LOXL2: variants seen among roughly 807,000 people sequenced by gnomAD.
The protein encoded by LOXL2 is lysyl oxidase homolog 2.
LOXL2 carries 70 observed loss-of-function variants against 93.0 expected under a neutral mutation model. The observed-to-expected ratio is 0.75, with a 90% confidence interval of 0.62 to 0.92. The LOEUF is 0.92. Among genes scored for constraint, LOXL2 ranks in the 40% least tolerant of loss-of-function variants. The pLI is 0.00. For missense variants in LOXL2, 973 were observed against 1,054.9 expected, an observed-to-expected ratio of 0.92 and a Z score of 1.08; for synonymous variants, 438 against 413.2, an observed-to-expected ratio of 1.06 and a Z score of -0.73.
chr8:23,358,872 C>T (rs980723979), intron 3 of LOXL2, among the ~76,000 whole-genome samples: 43 of 142,498 alleles, frequency 3.0e-4, no homozygotes, highest in African/African-American at 9.7e-4. Context: ...CAGACAGTCT[C>T]GCTCTGTCAC....
chr8:23,383,050 C>G (rs1334655013), intron 1 of LOXL2, among the ~76,000 whole-genome samples: 1 of 152,162 alleles, frequency 6.6e-6, no homozygotes, highest in African/African-American at 2.4e-5. Context: ...TAACATGCCT[C>G]TCCGTAGCGG....
At chr8:23,309,461 G>A (rs1177375392) in intron 10 of LOXL2, among the ~76,000 whole-genome samples, 1 of 152,206 alleles carries the variant, frequency 6.6e-6, no homozygotes, top group Non-Finnish European at 1.5e-5. Flanking sequence ...AAGAAGGGTG[G>A]CAGGCCAGGG....
At chr8:23,350,747 T>C (rs1804078808) in intron 3 of LOXL2, among the ~76,000 whole-genome samples, 1 of 151,298 alleles carries the variant, frequency 6.6e-6, no homozygotes, top group African/African-American at 2.4e-5. Context: ...CGGTAGTCTG[T>C]TGGGGTCTTC....
intron 3 of LOXL2, among the ~76,000 whole-genome samples, chr8:23,352,094 G>C (rs56112369): frequency 6.6e-6 from 1 of 152,124 alleles, no homozygotes; most frequent in Non-Finnish European, 1.5e-5. Flanking sequence ...GAATACAGGC[G>C]TGAGCCACCG....
rs780406585 is a variant in LOXL2, at chr8:23,320,022, C to T, written c.1333G>A (p.Glu445Lys). 46 of 1,613,938 alleles carry T rather than the reference C, an allele frequency of 2.9e-5. No homozygotes were observed. Among genetic ancestry groups the T allele is most frequent in the Non-Finnish European group, 3.4e-5 (40 of 1,179,950 alleles). ...LRLNGGRNPY[E>K]GRVEVLVERN... is the part of the protein sequence containing the mutation. ...TCCACCAGCACCTCCACTCGGCCCT[C>T]GTAGGGATTGCGGCCGCCGTTCAGG... The change falls in exon 8 of 14, where the codon GAG (glutamate) becomes AAG (lysine). Residue 445 changes from glutamate to lysine, a missense_variant. Glu to Lys is a moderately conservative substitution (Grantham distance 56, BLOSUM62 1). Coordinates refer to ENST00000389131, the MANE Select transcript of LOXL2 (RefSeq NM_002318.3).
At chr8:23,379,943 G>T (rs1376850742) in intron 1 of LOXL2, among the ~76,000 whole-genome samples, 1 of 151,532 alleles carries the variant, frequency 6.6e-6, no homozygotes, top group Admixed American at 6.6e-5. Flanking sequence ...TGCACCCACT[G>T]TCCTGACCCC....
At chr8:23,336,656 T>C (rs924426829) in intron 4 of LOXL2, 5 of 152,394 alleles carry the variant, frequency 3.3e-5, no homozygotes, top group African/African-American at 1.2e-4. Context: ...TTCTGCCAGC[T>C]GCTGAGTACA....
At chr8:23,346,049 C>G (rs1585361652) in intron 3 of LOXL2, among the ~76,000 whole-genome samples, 2 of 148,730 alleles carry the variant, frequency 1.3e-5, no homozygotes, top group South Asian at 4.2e-4. Flanking sequence ...GCCTGGGCGA[C>G]AGAGCGAGAC....
chr8:23,388,417 A>AAG (rs1585382945), intron 1 of LOXL2, among the ~76,000 whole-genome samples: 2 of 151,856 alleles, frequency 1.3e-5, no homozygotes, highest in East Asian at 3.9e-4. Flanking sequence ...GTCTCTACAA[A>AAG]AAAATTTTTT....
At chr8:23,386,090 A>G (rs754536143) in intron 1 of LOXL2, 1 of 764,034 alleles carries the variant, frequency 1.3e-6, no homozygotes, top group Non-Finnish European at 2.4e-6. Flanking sequence ...ATTTTCCTAT[A>G]GTCACACTGC....
chr8:23,340,848 G>A (rs1585358775), intron 4 of LOXL2, 144 bp downstream of exon 4: 1 of 740,610 alleles, frequency 1.4e-6, no homozygotes, highest in Non-Finnish European at 2.3e-6. Context: ...CCCGGCCCAG[G>A]GGCTCTGTGC....
chr8:23,371,751 CAAAAAAAAAAAAAA>C (rs55780832), intron 1 of LOXL2, among the ~76,000 whole-genome samples: 4 of 43,898 alleles, frequency 9.1e-5, no homozygotes, highest in East Asian at 8.7e-4. Context: ...GAGTCTGTCT[CAAAAAAAAAAAAAA>C]AAAAAAAAAA....
At chr8:23,401,101 C>A (rs1056885166) in intron 1 of LOXL2, among the ~76,000 whole-genome samples, 8 of 152,180 alleles carry the variant, frequency 5.3e-5, no homozygotes, top group African/African-American at 1.9e-4. Context: ...CTGGGTTAGA[C>A]CCTGGCTCCC....
chr8:23,384,843 G>C (rs71515827), intron 1 of LOXL2, among the ~76,000 whole-genome samples: 1 of 152,058 alleles, frequency 6.6e-6, no homozygotes, highest in Non-Finnish European at 1.5e-5. Context: ...GAACCCAGGA[G>C]GCAGAGGTTG....
Position 23,298,033 on chromosome 8 carries a change from G to A in LOXL2, c.*10C>T, listed in dbSNP as rs752633526. 10 of 1,611,840 alleles carry A rather than the reference G, an allele frequency of 6.2e-6. No homozygotes were observed. The highest frequency in any genetic ancestry group is 2.2e-5 in the South Asian group (2 of 90,802). ...TGGCCTGAAGACAGGAGTTGACCAC[G>A]CAGGCTTCTTTACTGCGGGGACAGC... On this transcript the variant is annotated 3_prime_UTR_variant, in exon 14 of 14. Coordinates refer to ENST00000389131, the MANE Select transcript of LOXL2 (RefSeq NM_002318.3).
At chr8:23,347,015 T>C (rs1179991230) in intron 3 of LOXL2, among the ~76,000 whole-genome samples, 1 of 152,140 alleles carries the variant, frequency 6.6e-6, no homozygotes, top group East Asian at 1.9e-4. Context: ...TTTCTTACTT[T>C]GGCTATTTAA....
chr8:23,395,553 G>A (rs1284321864), intron 1 of LOXL2, among the ~76,000 whole-genome samples: 1 of 152,108 alleles, frequency 6.6e-6, no homozygotes, highest in Non-Finnish European at 1.5e-5. Flanking sequence ...ACATTTTAAT[G>A]GGTGAATTGG....
At chr8:23,380,816 C>G (rs1804671850) in intron 1 of LOXL2, among the ~76,000 whole-genome samples, 1 of 152,006 alleles carries the variant, frequency 6.6e-6, no homozygotes, top group African/African-American at 2.4e-5. Flanking sequence ...AGTTAAAGAC[C>G]AGCCTGGACA....
chr8:23,317,140 T>TG (rs113598291), intron 8 of LOXL2, 26 bp from the exon 9 acceptor site: 35,527 of 1,610,722 alleles, frequency 0.022, 479 homozygotes, highest in African/African-American at 0.058. Flanking sequence ...AAACAAATGG[T>TG]GGGTACATCA....
Sources: gnomAD v4.1 joint callset for allele counts (sites outside exome capture counted in the v4.1 genomes callset) on GRCh38, gnomAD v4.1.1 for gene constraint, MANE v1.5 for transcripts, NCBI Gene and HGNC (gene_info 2026-07-23, HGNC 2026-07-21) for gene names.